SPAG16: variants seen among roughly 807,000 people sequenced by gnomAD.
The protein encoded by SPAG16 is sperm associated antigen 16.
Under a neutral mutation model 80.4 loss-of-function variants are expected in SPAG16, and 86 were observed. That is an observed-to-expected ratio of 1.07 (90% CI 0.90 to 1.28). SPAG16 has a LOEUF of 1.28. Among genes scored for constraint, SPAG16 ranks in the 50% most tolerant of loss-of-function variants. The pLI is 0.00. For missense variants in SPAG16, 870 were observed against 765.3 expected (o/e 1.14, Z -1.61); for synonymous variants, 294 against 265.9 (o/e 1.11, Z -1.03).
At chr2:213,354,355 A>G (rs1366260927) in intron 7 of SPAG16, among the ~76,000 whole-genome samples, 1 of 152,194 alleles carries the variant, frequency 6.6e-6, no homozygotes. Flanking sequence ...ATACATGTGC[A>G]TGTATCTTTA....
At chr2:214,210,112 G>A (rs1045981309) in intron 15 of SPAG16, among the ~76,000 whole-genome samples, 5 of 152,036 alleles carry the variant, frequency 3.3e-5, no homozygotes, top group African/African-American at 1.2e-4. Context: ...GAAACTCCAG[G>A]ACAGGATTAG....
intron 11 of SPAG16, among the ~76,000 whole-genome samples, 184 bp from the exon 12 acceptor site, chr2:213,929,776 G>A (rs1397348): frequency 0.029 from 4,345 of 152,154 alleles, 85 homozygotes; most frequent in Middle Eastern, 0.044. Flanking sequence ...GAATTACTAA[G>A]CAATTCAAGT....
intron 14 of SPAG16, among the ~76,000 whole-genome samples, chr2:214,113,845 G>T (rs12694316): frequency 0.097 from 14,719 of 152,116 alleles, 913 homozygotes; most frequent in East Asian, 0.29. Flanking sequence ...AAGTCTTTCT[G>T]CATCCAGCTT....
chr2:213,862,291 A>C (rs939303650), intron 10 of SPAG16, among the ~76,000 whole-genome samples, 194 bp from the exon 11 acceptor site: 1 of 152,210 alleles, frequency 6.6e-6, no homozygotes, highest in Non-Finnish European at 1.5e-5. Flanking sequence ...GACTAGATTG[A>C]TGGAGATCAG....
At chr2:214,129,919 A>G (rs74797432) in intron 14 of SPAG16, among the ~76,000 whole-genome samples, 1,574 of 152,258 alleles carry the variant, frequency 0.01, 20 homozygotes, top group Non-Finnish European at 0.015. Context: ...TTGTGACTCA[A>G]TACTTACCGG....
At chr2:213,540,180 G>A (rs1455138890) in intron 10 of SPAG16, among the ~76,000 whole-genome samples, 2 of 151,456 alleles carry the variant, frequency 1.3e-5, no homozygotes, top group African/African-American at 4.9e-5. Context: ...GACTACAGGC[G>A]CCTGCCACCA....
At chr2:214,363,747 G>T (rs1001131071) in intron 15 of SPAG16, among the ~76,000 whole-genome samples, 1 of 152,004 alleles carries the variant, frequency 6.6e-6, no homozygotes, top group African/African-American at 2.4e-5. Flanking sequence ...TGAAACCAAA[G>T]GTTACAAAGA....
At chr2:213,489,815 C>T in intron 9 of SPAG16, 148 bp from the exon 10 acceptor site, 3 of 555,344 alleles carry the variant, frequency 5.4e-6, no homozygotes, top group East Asian at 3.6e-5. Flanking sequence ...TAAATATTTT[C>T]TCAAAACTAA....
At chr2:213,723,225 T>G (rs2066607743) in intron 10 of SPAG16, among the ~76,000 whole-genome samples, 1 of 152,184 alleles carries the variant, frequency 6.6e-6, no homozygotes, top group South Asian at 2.1e-4. Flanking sequence ...TATCATCCAG[T>G]AAGTAGCCTG....
chr2:213,405,245 A>T (rs2068548610), intron 9 of SPAG16, among the ~76,000 whole-genome samples: 1 of 152,144 alleles, frequency 6.6e-6, no homozygotes, highest in South Asian at 2.1e-4. Context: ...AGCTATTAAG[A>T]TTTCCATTTT....
intron 5 of SPAG16, among the ~76,000 whole-genome samples, chr2:213,339,086 T>C (rs1362451901): frequency 6.6e-6 from 1 of 151,970 alleles, no homozygotes; most frequent in Non-Finnish European, 1.5e-5. Flanking sequence ...CCTTGCACCA[T>C]ATGCCTCATG....
intron 15 of SPAG16, among the ~76,000 whole-genome samples, chr2:214,188,545 T>G (rs529177421): frequency 6.6e-6 from 1 of 152,274 alleles, no homozygotes; most frequent in South Asian, 2.1e-4. Context: ...TTCTCTGTAT[T>G]TCAAAACCAA....
chr2:214,346,601 G>A (rs1286911175), intron 15 of SPAG16, among the ~76,000 whole-genome samples: 2 of 152,072 alleles, frequency 1.3e-5, no homozygotes, highest in African/African-American at 2.4e-5. Context: ...AGGAAATAAC[G>A]CTATGTGACC....
intron 13 of SPAG16, among the ~76,000 whole-genome samples, chr2:214,041,005 T>G (rs1047114349): frequency 6.6e-6 from 1 of 152,108 alleles, no homozygotes; most frequent in Non-Finnish European, 1.5e-5. Context: ...ATCTTCCATT[T>G]TAAGCACTTT....
chr2:214,303,008 GT>G (rs1694669141), intron 15 of SPAG16, among the ~76,000 whole-genome samples: 1 of 152,094 alleles, frequency 6.6e-6, no homozygotes, highest in East Asian at 1.9e-4. Flanking sequence ...TTAAGACTGT[GT>G]CATTACCCAT....
rs543718677 is a variant in SPAG16, at chr2:214,342,981, G to A, written c.1721-67159G>A. 2.1e-3 allele frequency among the ~76,000 whole-genome samples: 320 copies of A among 152,268 alleles called. 1 individual carries two copies. Among genetic ancestry groups the A allele is most frequent in the African/African-American group, 7.1e-3 (295 of 41,560 alleles). ...ATGAAAAGGTTAGCTGGCAAAAGAT[G>A]AGATTTGGGAGATGATGGAAAAAAG... On this transcript the variant is annotated intron_variant, in intron 15 of 15. Coordinates refer to ENST00000331683, the MANE Select transcript of SPAG16 (RefSeq NM_024532.5).
chr2:214,381,446 C>A (rs1015084451), intron 15 of SPAG16, among the ~76,000 whole-genome samples: 4 of 152,156 alleles, frequency 2.6e-5, no homozygotes, highest in African/African-American at 9.7e-5. Flanking sequence ...TTTCAGCCAA[C>A]ATTTTTCATT....
intron 10 of SPAG16, among the ~76,000 whole-genome samples, chr2:213,498,020 T>C (rs1225484786): frequency 6.6e-6 from 1 of 152,186 alleles, no homozygotes; most frequent in African/African-American, 2.4e-5. Context: ...TAATGCAGAA[T>C]GTCAGAGAAG....
chr2:213,417,686 T>C (rs2069339098), intron 9 of SPAG16, among the ~76,000 whole-genome samples: 2 of 152,266 alleles, frequency 1.3e-5, no homozygotes, highest in South Asian at 4.1e-4. Flanking sequence ...ACGAAGAAAC[T>C]AAAAATCTAT....
Sources: allele counts gnomAD v4.1 joint callset (sites outside exome capture counted in the v4.1 genomes callset), GRCh38; gene constraint gnomAD v4.1.1; transcripts MANE v1.5; gene names NCBI Gene and HGNC (gene_info 2026-07-23, HGNC 2026-07-21).